Variants in ELL observed in about 807,000 individuals in gnomAD.
ELL encodes RNA polymerase II elongation factor ELL.
ELL carries 18 observed loss-of-function variants against 64.0 expected under a neutral mutation model. The observed-to-expected ratio is 0.28, with a 90% confidence interval of 0.19 to 0.42. The LOEUF (loss-of-function observed/expected upper bound fraction) is 0.42. ELL is among the 10% of genes least tolerant of loss of function. ELL has a pLI of 1.00. For synonymous variants in ELL, 399 were observed against 376.2 expected, an observed-to-expected ratio of 1.06 and a Z score of -0.70; for missense variants, 797 against 870.4, an observed-to-expected ratio of 0.92 and a Z score of 1.06.
At chr19:18,476,284 A>G (rs1307547526) in intron 1 of ELL, among the ~76,000 whole-genome samples, 1 of 152,246 alleles carries the variant, frequency 6.6e-6, no homozygotes, top group Non-Finnish European at 1.5e-5. Context: ...TCTACTGTCC[A>G]TGCGAGGCCT....
intron 1 of ELL, among the ~76,000 whole-genome samples, chr19:18,481,832 T>C (rs1185133411): frequency 6.6e-6 from 1 of 152,216 alleles, no homozygotes; most frequent in South Asian, 2.1e-4. Context: ...TGGACAGGTT[T>C]TTCTGTGGAC....
chr19:18,477,758 G>C (rs1179193745), intron 1 of ELL, among the ~76,000 whole-genome samples: 2 of 152,224 alleles, frequency 1.3e-5, no homozygotes, highest in African/African-American at 4.8e-5. Flanking sequence ...GGTTCTAGAA[G>C]TTCTTCAGAA....
At chr19:18,458,171 TG>T (rs1974721505) in intron 6 of ELL, 33 bp downstream of exon 6, 1 of 1,602,164 alleles carries the variant, frequency 6.2e-7, no homozygotes, top group African/African-American at 1.3e-5. Flanking sequence ...TTCATGCGGG[TG>T]GGGACATGCT....
intron 4 of ELL, among the ~76,000 whole-genome samples, chr19:18,463,858 C>T (rs1330981742): frequency 6.6e-6 from 1 of 151,976 alleles, no homozygotes; most frequent in Non-Finnish European, 1.5e-5. Flanking sequence ...TGGTGGCAGG[C>T]ACCTGTAGTC....
rs577922457 is a variant in ELL, at chr19:18,458,854, T to C, written c.745-525A>G. Among the ~76,000 whole-genome samples the C allele has an allele frequency of 1.6e-4, 25 of 152,190 alleles. No individual in the cohort carries two copies. In the South Asian group the frequency reaches 4.8e-3, roughly 29 times the overall value. On this transcript the variant is annotated intron_variant, in intron 5 of 11. Coordinates refer to ENST00000262809, the MANE Select transcript of ELL (RefSeq NM_006532.4). ...GTTGTCCAGGCTTGTCTTGAACCCC[T>C]GGGCTCAAGCGATCCTCTGATCTCA... is the stretch of plus-strand genomic sequence containing the variant.
Position 18,458,338 on chromosome 19 carries a change from C to T in ELL, c.745-9G>A. The T allele has an allele frequency of 1.9e-6, 3 of 1,605,920 alleles. No homozygotes were observed. Among genetic ancestry groups the T allele is most frequent in the Non-Finnish European group, 2.6e-6 (3 of 1,175,102 alleles). On this transcript the variant is annotated splice_polypyrimidine_tract_variant and intron_variant, in intron 5 of 11. Transcript: ENST00000262809. The stretch of plus-strand genomic sequence containing the variant: ...GCACTCATGTTGGCCACCTGCAAGA[C>T]AGAGCCAGCCATCACTTTGTGGGAA...
chr19:18,445,348 C>A, intron 10 of ELL, 80 bp from the exon 11 acceptor site: 1 of 1,023,974 alleles, frequency 9.8e-7, no homozygotes, highest in Non-Finnish European at 1.5e-6. Context: ...CCCAGGTGCT[C>A]TGAGAAGGGG....
At chr19:18,513,640 C>G (rs1976072744) in intron 1 of ELL, among the ~76,000 whole-genome samples, 2 of 152,072 alleles carry the variant, frequency 1.3e-5, no homozygotes, top group Admixed American at 1.3e-4. Context: ...GCTTTTAAAA[C>G]AGGAGTTCAG....
chr19:18,462,370 C>CGGG (rs869305278), intron 4 of ELL, among the ~76,000 whole-genome samples: 10 of 23,054 alleles, frequency 4.3e-4, no homozygotes, highest in South Asian at 1.5e-3. Flanking sequence ...TGTGTTTGGG[C>CGGG]GGGGGGCGGG....
At chr19:18,513,909 C>T (rs1568401581) in intron 1 of ELL, among the ~76,000 whole-genome samples, 1 of 151,978 alleles carries the variant, frequency 6.6e-6, no homozygotes, top group Non-Finnish European at 1.5e-5. Flanking sequence ...CCAGACTGGG[C>T]GACAGAGCGA....
chr19:18,450,182 G>T (rs1465553105), intron 8 of ELL, among the ~76,000 whole-genome samples: 7 of 152,228 alleles, frequency 4.6e-5, no homozygotes, highest in Non-Finnish European at 8.8e-5. Context: ...CTGCATGTTA[G>T]CCCCTTCTGC....
chr19:18,495,909 G>C (rs1041338099), intron 1 of ELL, among the ~76,000 whole-genome samples: 1 of 152,248 alleles, frequency 6.6e-6, no homozygotes, highest in Admixed American at 6.5e-5. Context: ...GGCTTAGGGT[G>C]GAGGGCTGAG....
intron 6 of ELL, among the ~76,000 whole-genome samples, chr19:18,457,859 C>T (rs1974715990): frequency 6.6e-6 from 1 of 152,156 alleles, no homozygotes; most frequent in Non-Finnish European, 1.5e-5. Context: ...CTTCCCAGGC[C>T]CTGTGGGGAT....
intron 1 of ELL, among the ~76,000 whole-genome samples, chr19:18,506,635 G>A (rs1203944961): frequency 1.3e-5 from 2 of 152,150 alleles, no homozygotes; most frequent in Non-Finnish European, 2.9e-5. Flanking sequence ...TGAGGTAGGA[G>A]GATCACTTGA....
chr19:18,514,369 C>T (rs749149016), intron 1 of ELL, among the ~76,000 whole-genome samples: 1 of 151,752 alleles, frequency 6.6e-6, no homozygotes, highest in African/African-American at 2.4e-5. Flanking sequence ...AAAAAATTAG[C>T]CGGGTGTGGT....
chr19:18,521,446 G>A (rs1236492216), intron 1 of ELL, among the ~76,000 whole-genome samples: 1 of 151,888 alleles, frequency 6.6e-6, no homozygotes, highest in Admixed American at 6.6e-5. Context: ...GCACCCAGAC[G>A]ATCGCTGCTT....
rs1387100638 is a variant in ELL at position 18,501,407 on chromosome 19, C to T, written c.135+20514G>A. 4.6e-5 allele frequency among the ~76,000 whole-genome samples: 7 copies of T among 152,262 alleles called. No individual in the cohort carries two copies. The highest frequency in any genetic ancestry group is 1.7e-4 in the African/African-American group (7 of 41,474). ...CGTGGGAAAGGGCCTGGGATGGGCC[C>T]ACTGTTGGCGAGGAGGGGCCCACGC... On this transcript the variant is annotated intron_variant, in intron 1 of 11. Coordinates refer to ENST00000262809, the MANE Select transcript of ELL (RefSeq NM_006532.4). This position sits in a 1 kb window ranked among gnomAD's most constrained non-coding sequence, Gnocchi z 4.5.
chr19:18,474,943 T>TG (rs1248840715), intron 1 of ELL, among the ~76,000 whole-genome samples: 4 of 152,288 alleles, frequency 2.6e-5, no homozygotes, highest in Middle Eastern at 3.4e-3. Context: ...GCCAACATGG[T>TG]GAAACCCCCA....
chr19:18,459,533 T>G (rs1974756638), intron 5 of ELL, among the ~76,000 whole-genome samples: 1 of 151,766 alleles, frequency 6.6e-6, no homozygotes, highest in African/African-American at 2.4e-5. Context: ...TTTTTTTTTT[T>G]TTTTGAGATG....
Sources: allele counts gnomAD v4.1 joint callset (sites outside exome capture counted in the v4.1 genomes callset), GRCh38; gene constraint gnomAD v4.1.1; non-coding constraint Gnocchi (gnomAD v3.1); transcripts MANE v1.5; gene names NCBI Gene and HGNC (gene_info 2026-07-23, HGNC 2026-07-21).